GPR160: variants seen among roughly 807,000 people sequenced by gnomAD.
The protein encoded by GPR160 is probable G protein-coupled receptor 160.
A neutral mutation model predicts 2.6 loss-of-function variants in GPR160; 2 were observed. The observed-to-expected ratio is 0.77, with a 90% CI of 0.32 to 2.44. The LOEUF is 2.44. Ranked by LOEUF, GPR160 falls within the 30% of genes most tolerant of loss-of-function variation. The pLI, the probability that GPR160 is intolerant of heterozygous loss-of-function variation, is 0.11. For synonymous variants in GPR160, 130 were observed against 132.2 expected, an observed-to-expected ratio of 0.98 and a Z score of 0.12; for missense variants, 351 against 383.6, an observed-to-expected ratio of 0.91 and a Z score of 0.71.
chr3:170,066,130 CTTTTTTTTTTTTTTTT>C (rs768660597), intron 2 of GPR160, among the ~76,000 whole-genome samples: 1 of 85,168 alleles, frequency 1.2e-5, no homozygotes, highest in South Asian at 4.1e-4. Context: ...TTTTCTTTTT[CTTTTTTTTTTTTTTTT>C]TTTTTTTTTT....
At chr3:170,047,306 A>G (rs1254260309) in intron 2 of GPR160, among the ~76,000 whole-genome samples, 7 of 151,972 alleles carry the variant, frequency 4.6e-5, no homozygotes, top group Non-Finnish European at 8.8e-5. Flanking sequence ...TCTTCTTCCT[A>G]TGGCCTCAGC....
intron 2 of GPR160, among the ~76,000 whole-genome samples, chr3:170,043,448 G>T (rs1716552445): frequency 6.6e-6 from 1 of 152,088 alleles, no homozygotes; most frequent in African/African-American, 2.4e-5. Context: ...CTCCCAAAAT[G>T]CTGGGATTAA....
intron 2 of GPR160, among the ~76,000 whole-genome samples, chr3:170,046,890 A>T (rs1716746258): frequency 6.6e-6 from 1 of 152,158 alleles, no homozygotes; most frequent in South Asian, 2.1e-4. Context: ...CAGAGAGGTA[A>T]CATGAGTTCT....
At chr3:170,080,442 T>C (rs984678602) in intron 3 of GPR160, among the ~76,000 whole-genome samples, 2 of 152,218 alleles carry the variant, frequency 1.3e-5, no homozygotes, top group African/African-American at 4.8e-5. Context: ...ATTTTTCTTC[T>C]AGCTTTATGA....
intron 2 of GPR160, among the ~76,000 whole-genome samples, chr3:170,056,200 G>A (rs577200464): frequency 6.6e-6 from 1 of 152,188 alleles, no homozygotes; most frequent in South Asian, 2.1e-4. Flanking sequence ...AAATGATGAC[G>A]AGGTGAATAT....
intron 2 of GPR160, among the ~76,000 whole-genome samples, chr3:170,039,432 AGTGCGGT>A (rs775717756): frequency 2.6e-5 from 4 of 152,104 alleles, no homozygotes; most frequent in Non-Finnish European, 4.4e-5. Flanking sequence ...ATGATGCCCG[AGTGCGGT>A]GGCTCACACC....
In GPR160 at chr3:170,084,780, C is replaced by T. The variant is rs749894318; in HGVS notation, c.808C>T (p.Pro270Ser). ...VIIVLLKVQI[P>S]AYIEMNIPWL... ...CATTGTTTTACTTAAAGTTCAGATT[C>T]CAGCATATATTGAGATGAATATTCC... is the stretch of plus-strand genomic sequence containing the variant. The change falls in exon 4 of 4, where the codon CCA becomes TCA. Residue 270 changes from proline to serine, a missense_variant. Coordinates refer to ENST00000355897, the MANE Select transcript of GPR160 (RefSeq NM_014373.3). 4.4e-6 allele frequency: 7 copies of T among 1,603,788 alleles called. No homozygotes were observed. In the South Asian group the frequency reaches 7.7e-5, roughly 18 times the overall value.
At position 170,044,338 on chromosome 3, in the gene GPR160, A is replaced by AAAAAAG. The variant is rs1256624456; in HGVS notation, c.-193+5296_-193+5297insAAAAGA. Among the ~76,000 whole-genome samples, 21 of 151,670 alleles carry AAAAAAG rather than the reference A, an allele frequency of 1.4e-4. No individual in the cohort carries two copies. In the East Asian group the frequency reaches 3.5e-3, roughly 25 times the overall value. Reference sequence around the variant, plus strand: ...AAACTCCATCTCAAAAAAAAAAAAAAAGAGAAGAGAAAAATGGGAAAGAGC... The same window carrying AAAAAAG: ...AAACTCCATCTCAAAAAAAAAAAAAAAAAAAGAGAGAAGAGAAAAATGGGAAAGAGC... On this transcript the variant is annotated intron_variant, in intron 2 of 3. Coordinates refer to ENST00000355897, the MANE Select transcript of GPR160 (RefSeq NM_014373.3).
intron 2 of GPR160, among the ~76,000 whole-genome samples, chr3:170,071,339 G>A (rs1249375156): frequency 1.3e-5 from 2 of 152,088 alleles, no homozygotes; most frequent in Non-Finnish European, 2.9e-5. Context: ...AAAGCATGTG[G>A]GGCCTCCCCC....
At chr3:170,047,460 T>C (rs897553743) in intron 2 of GPR160, among the ~76,000 whole-genome samples, 3 of 152,226 alleles carry the variant, frequency 2.0e-5, no homozygotes, top group African/African-American at 7.2e-5. Flanking sequence ...CCTTTTTATT[T>C]TGTTTTACTT....
chr3:170,049,896 G>A (rs905183886), intron 2 of GPR160: 1 of 152,324 alleles, frequency 6.6e-6, no homozygotes, highest in Admixed American at 6.5e-5. Flanking sequence ...GGCCTGAAAT[G>A]ACTACTTGGT....
chr3:170,084,170 T>A lies in GPR160; in HGVS notation c.198T>A (p.Asp66Glu), dbSNP rs780774360. Residue 66 changes from aspartate (D) to glutamate (E), a missense_variant, in exon 4 of 4, where the codon GAT becomes GAA. By Grantham distance (45) the Asp-to-Glu change is conservative (BLOSUM62 2). Coordinates refer to ENST00000355897, the MANE Select transcript of GPR160 (RefSeq NM_014373.3). ...EYFCISLAFV[D>E]LLLLVNISII... ...TTTGCATTTCACTAGCATTCGTTGA[T>A]CTTTTACTTTTGGTAAACATTTCCA... The A allele has an allele frequency of 4.4e-6, 7 of 1,591,340 alleles. No individual in the cohort carries two copies. In the Admixed American group the frequency reaches 5.4e-5, roughly 12 times the overall value.
intron 2 of GPR160, among the ~76,000 whole-genome samples, chr3:170,065,033 G>A (rs1474168541): frequency 1.3e-5 from 2 of 152,186 alleles, no homozygotes; most frequent in African/African-American, 4.8e-5. Flanking sequence ...GATCTGACGG[G>A]AGTGTAGATG....
chr3:170,045,459 G>T (rs75474745), intron 2 of GPR160, among the ~76,000 whole-genome samples: 1 of 130,188 alleles, frequency 7.7e-6, no homozygotes. Context: ...CAATTAGCCA[G>T]GGGTGGTGGC....
intron 2 of GPR160, among the ~76,000 whole-genome samples, chr3:170,056,704 G>A (rs1711660940): frequency 6.6e-6 from 1 of 152,170 alleles, no homozygotes; most frequent in South Asian, 2.1e-4. Flanking sequence ...CTGCATTAAT[G>A]GGGTACCGTA....
Position 170,084,516 on chromosome 3 carries a change from A to T in GPR160, c.544A>T (p.Ser182Cys), listed in dbSNP as rs752346866. ...RHCPFYVSIQ[S>C]YWLSFFMVMI... ...CTGTCCTTTCTATGTCAGCATTCAG[A>T]GTTACTGGCTGTCATTTTTCATGGT... The change falls in exon 4 of 4, where the codon AGT becomes TGT. Residue 182 changes from serine to cysteine, a missense_variant. Coordinates refer to ENST00000355897, the MANE Select transcript of GPR160 (RefSeq NM_014373.3). 1 of 1,612,626 alleles carries T rather than the reference A, an allele frequency of 6.2e-7. No homozygotes were observed. The highest frequency in any genetic ancestry group is 1.7e-5 in the Admixed American group (1 of 59,988).
At chr3:170,047,578 T>C (rs1716777952) in intron 2 of GPR160, among the ~76,000 whole-genome samples, 1 of 152,176 alleles carries the variant, frequency 6.6e-6, no homozygotes, top group Admixed American at 6.5e-5. Flanking sequence ...ATTATGACGA[T>C]ATCAAAAAGA....
intron 2 of GPR160, among the ~76,000 whole-genome samples, chr3:170,056,371 T>G (rs918690004): frequency 6.6e-6 from 1 of 152,242 alleles, no homozygotes; most frequent in Non-Finnish European, 1.5e-5. Flanking sequence ...GTAACCTGAT[T>G]TGTTTTCAAG....
chr3:170,061,545 A>G (rs1711956610), intron 2 of GPR160, among the ~76,000 whole-genome samples: 1 of 152,130 alleles, frequency 6.6e-6, no homozygotes, highest in African/African-American at 2.4e-5. Context: ...ATTTGATTTC[A>G]TAGATAAAAT....
Sources: gnomAD v4.1 joint callset for allele counts (sites outside exome capture counted in the v4.1 genomes callset) on GRCh38, gnomAD v4.1.1 for gene constraint, MANE v1.5 for transcripts, NCBI Gene and HGNC (gene_info 2026-07-23, HGNC 2026-07-21) for gene names.